DNAJB6: variants seen among roughly 807,000 people sequenced by gnomAD.
The protein encoded by DNAJB6 is dnaJ homolog subfamily B member 6.
Under a neutral mutation model 42.7 loss-of-function variants are expected in DNAJB6, and 16 were observed. The observed-to-expected ratio is 0.37, with a 90% CI of 0.25 to 0.57. DNAJB6 has a LOEUF of 0.57. Among genes scored for constraint, DNAJB6 ranks in the 20% least tolerant of loss-of-function variants. The pLI is 0.74. For missense variants in DNAJB6, 347 were observed against 416.8 expected, an observed-to-expected ratio of 0.83 and a Z score of 1.46; for synonymous variants, 170 against 163.5, an observed-to-expected ratio of 1.04 and a Z score of -0.30.
Position 157,385,554 on chromosome 7 carries a change from G to A in DNAJB6, c.634G>A (p.Gly212Ser), listed in dbSNP as rs781715608. The A allele has an allele frequency of 1.2e-6, 2 of 1,613,452 alleles. No individual in the cohort carries two copies. Among genetic ancestry groups the A allele is most frequent in the South Asian group, 1.1e-5 (1 of 90,962 alleles). ...TTTTTCCTACAGAATTGTCGAGAACGGTCAAGAAAGAGTAGAAGTTGAAGA... is the reference window on the plus strand; with the variant it reads ...TTTTTCCTACAGAATTGTCGAGAACAGTCAAGAAAGAGTAGAAGTTGAAGA... ...KITTKRIVENGQERVEVEEDG... is the reference protein window; with the variant it reads ...KITTKRIVENSQERVEVEEDG... Residue 212 changes from glycine to serine, a missense_variant, in exon 8 of 10, where the codon GGT (glycine) becomes AGT (serine). Gly to Ser is a moderately conservative substitution (Grantham distance 56). This residue lies in a region of DNAJB6 where 264 missense variants were observed against 288.0 expected (regional missense o/e 0.92). Transcript: ENST00000262177.
intron 8 of DNAJB6, among the ~76,000 whole-genome samples, chr7:157,390,657 T>C (rs945892525): frequency 6.6e-6 from 1 of 152,114 alleles, no homozygotes; most frequent in African/African-American, 2.4e-5. Context: ...TTGCTTCCCG[T>C]GTGGTCAGCG....
chr7:157,346,329 A>AC, intron 1 of DNAJB6, among the ~76,000 whole-genome samples: 1 of 151,438 alleles, frequency 6.6e-6, no homozygotes, highest in East Asian at 1.9e-4. Context: ...AAAAAAAAAA[A>AC]AAAAAAAAGT....
rs562166185 is a variant in DNAJB6, at chr7:157,381,973, C to T, written c.347-273C>T. On this transcript the variant is annotated intron_variant, in intron 5 of 9. Transcript: ENST00000262177. ...GAGTTTGAAGTGCATATTGGTCCTC[C>T]ATAAAGAATGTGTGTATGTGCTGTT... The T allele has an allele frequency of 4.0e-4, 99 of 249,220 alleles. 1 individual carries two copies. In the South Asian group the frequency reaches 6.3e-3, roughly 16 times the overall value. 15.4% of individuals were successfully genotyped at this position (249,220 alleles called of 1,614,324 possible).
intron 1 of DNAJB6, chr7:157,339,813 G>A (rs1291455400): frequency 6.6e-6 from 1 of 152,318 alleles, no homozygotes; most frequent in Non-Finnish European, 1.5e-5. Flanking sequence ...TTTTATTAGA[G>A]ACGAGGTTTC....
intron 5 of DNAJB6, among the ~76,000 whole-genome samples, chr7:157,368,091 G>A (rs1799930782): frequency 6.6e-6 from 1 of 152,160 alleles, no homozygotes; most frequent in Non-Finnish European, 1.5e-5. Context: ...TCCAGCTTGG[G>A]TGACAGAGCA....
At chr7:157,413,907 A>G (rs1046766963) in intron 9 of DNAJB6, 1 of 151,518 alleles carries the variant, frequency 6.6e-6, no homozygotes, top group Non-Finnish European at 1.5e-5. Flanking sequence ...TTTTTAGTAG[A>G]GATGTGGTTT....
At chr7:157,353,589 GTGTGTGTGTGT>G (rs1799115932) in intron 1 of DNAJB6, among the ~76,000 whole-genome samples, 1 of 108,868 alleles carries the variant, frequency 9.2e-6, no homozygotes, top group African/African-American at 4.8e-5. Context: ...TGACCGGGGT[GTGTGTGTGTGT>G]GTGTGTGTGT....
At chr7:157,351,992 A>G (rs1799006274) in intron 1 of DNAJB6, among the ~76,000 whole-genome samples, 1 of 151,698 alleles carries the variant, frequency 6.6e-6, no homozygotes, top group Non-Finnish European at 1.5e-5. Flanking sequence ...GCGAGACACT[A>G]TCTCAAAAAC....
At chr7:157,338,144 T>G (rs1798147895) in intron 1 of DNAJB6, among the ~76,000 whole-genome samples, 1 of 152,144 alleles carries the variant, frequency 6.6e-6, no homozygotes, top group Non-Finnish European at 1.5e-5. Context: ...AAAGTTAGAG[T>G]GAAGACCGAA....
chr7:157,371,900 GA>G (rs1256528443), intron 5 of DNAJB6, among the ~76,000 whole-genome samples: 1 of 152,112 alleles, frequency 6.6e-6, no homozygotes, highest in Admixed American at 6.6e-5. Flanking sequence ...TATATTCTTG[GA>G]AAACCAAAGC....
chr7:157,394,966 C>T (rs901364315), intron 8 of DNAJB6, among the ~76,000 whole-genome samples: 1 of 152,108 alleles, frequency 6.6e-6, no homozygotes, highest in Non-Finnish European at 1.5e-5. Flanking sequence ...GGGTGCACGC[C>T]TCTAGTCCCA....
At chr7:157,369,473 GA>G in intron 5 of DNAJB6, 1 of 455,126 alleles carries the variant, frequency 2.2e-6, no homozygotes, top group South Asian at 1.6e-5. Context: ...TGGGGCACAC[GA>G]GGTGAAACGG....
chr7:157,379,465 A>T (rs904343938), intron 5 of DNAJB6: 11 of 152,224 alleles, frequency 7.2e-5, no homozygotes, highest in African/African-American at 2.7e-4. Context: ...GGACTCAGAT[A>T]TGGACAGTGA....
intron 9 of DNAJB6, 115 bp from the exon 10 acceptor site, chr7:157,415,901 C>T (rs1796096701): frequency 1.9e-6 from 3 of 1,578,610 alleles, no homozygotes; most frequent in South Asian, 2.3e-5. Flanking sequence ...AGATAGATGA[C>T]TTCATTTTGT....
At chr7:157,366,838 G>A (rs768196421) in intron 4 of DNAJB6, among the ~76,000 whole-genome samples, 2 of 152,186 alleles carry the variant, frequency 1.3e-5, no homozygotes, top group African/African-American at 2.4e-5. Context: ...AGCACTTGAC[G>A]TTATGTCAAA....
intron 1 of DNAJB6, among the ~76,000 whole-genome samples, chr7:157,357,576 G>A (rs770753395): frequency 2.6e-5 from 4 of 151,926 alleles, no homozygotes; most frequent in Non-Finnish European, 5.9e-5. Flanking sequence ...CTCCTAAAGC[G>A]CTGGGATTAC....
In DNAJB6 at chr7:157,385,248, TTAAAATGG is replaced by T. The variant is rs112549325; in HGVS notation, c.620+249_620+256del. Among the ~76,000 whole-genome samples the T allele has an allele frequency of 0.55, 83,722 of 151,276 alleles. 23,380 individuals carry two copies. Among genetic ancestry groups the T allele is most frequent in the East Asian group, 0.75 (3,842 of 5,114 alleles). On this transcript the variant is annotated intron_variant, in intron 7 of 9. Transcript: ENST00000262177. ...AGTGTAATAAGTTTCTGCAGCATTG[TTAAAATGG>T]TAAAATGGAAAATCATTAATAGTAA...
rs1293488177 is a variant in DNAJB6, at chr7:157,369,840, GTTATTATTAAACGGGCCCCTTCTTCACA to G, written c.346+2370_346+2397del. On this transcript the variant is annotated intron_variant, in intron 5 of 9. Coordinates refer to ENST00000262177, the MANE Select transcript of DNAJB6 (RefSeq NM_058246.4). ...CATTATTAAACAGGCCTTTCATAAC[GTTATTATTAAACGGGCCCCTTCTTCACA>G]TTATTATTAAACAGGCCCCTTCTCA... Among the ~76,000 whole-genome samples, 15 of 138,080 alleles carry G rather than the reference GTTATTATTAAACGGGCCCCTTCTTCACA, an allele frequency of 1.1e-4. 1 individual carries two copies. Among genetic ancestry groups the G allele is most frequent in the Admixed American group, 4.3e-4 (6 of 13,962 alleles). The allele number at this position is 138,080 out of a possible 152,430, so 90.6% of individuals were successfully genotyped here.
intron 8 of DNAJB6, among the ~76,000 whole-genome samples, chr7:157,400,889 C>G (rs1801828983): frequency 6.6e-6 from 1 of 152,152 alleles, no homozygotes; most frequent in Non-Finnish European, 1.5e-5. Context: ...CCTGGCCAGC[C>G]CTTGGCTTGT....
Sources: allele counts gnomAD v4.1 joint callset (sites outside exome capture counted in the v4.1 genomes callset), GRCh38; gene constraint gnomAD v4.1.1; regional missense constraint gnomAD v4.1.1; transcripts MANE v1.5; gene names NCBI Gene and HGNC (gene_info 2026-07-23, HGNC 2026-07-21).